Variants in PTPRD observed in about 807,000 individuals in gnomAD.
The protein encoded by PTPRD is receptor-type tyrosine-protein phosphatase delta.
PTPRD carries 34 observed loss-of-function variants against 214.5 expected under a neutral mutation model. The ratio of observed to expected loss-of-function variants is 0.16; its 90% CI spans 0.12 to 0.21. PTPRD has a LOEUF of 0.21. Ranked by LOEUF, PTPRD falls within the 10% of genes least tolerant of loss-of-function variation. The pLI is 1.00. For missense variants in PTPRD, 2,545 were observed against 2,398.7 expected (o/e 1.06, Z -1.27); for synonymous variants, 1,128 against 845.7 (o/e 1.33, Z -5.79).
chr9:9,943,343 A>T (rs527446468), intron 4 of PTPRD, among the ~76,000 whole-genome samples: 1 of 152,282 alleles, frequency 6.6e-6, no homozygotes, highest in Admixed American at 6.5e-5. Context: ...TCAGATTAAA[A>T]GGGCTATCAT....
At chr9:8,965,116 G>A (rs2099185459) in intron 11 of PTPRD, among the ~76,000 whole-genome samples, 1 of 152,078 alleles carries the variant, frequency 6.6e-6, no homozygotes, top group Admixed American at 6.6e-5. Context: ...AGTGGTTCAT[G>A]TCTGTAATCC....
intron 11 of PTPRD, among the ~76,000 whole-genome samples, chr9:8,955,159 G>C (rs1398408873): frequency 6.6e-6 from 1 of 151,836 alleles, no homozygotes; most frequent in Non-Finnish European, 1.5e-5. Context: ...AAAATATGAA[G>C]AGCTAATATT....
At chr9:8,327,558 GGTCCAGAGCTGTGTTCAA>G (rs1835180953) in intron 44 of PTPRD, among the ~76,000 whole-genome samples, 1 of 152,002 alleles carries the variant, frequency 6.6e-6, no homozygotes, top group Admixed American at 6.5e-5. Context: ...AGGTCTGCTT[GGTCCAGAGCTGTGTTCAA>G]GTCCTGAATG....
chr9:8,931,033 G>A, intron 11 of PTPRD, among the ~76,000 whole-genome samples: 1 of 152,120 alleles, frequency 6.6e-6, no homozygotes, highest in Non-Finnish European at 1.5e-5. Flanking sequence ...TGAAGTCCTT[G>A]CCCATGCCTA....
chr9:9,870,306 T>C (rs889183263), intron 5 of PTPRD, among the ~76,000 whole-genome samples: 1 of 152,010 alleles, frequency 6.6e-6, no homozygotes, highest in Non-Finnish European at 1.5e-5. Flanking sequence ...AATATATCAT[T>C]CTTCTTCAAA....
intron 4 of PTPRD, among the ~76,000 whole-genome samples, chr9:9,964,416 C>A (rs977394810): frequency 2.0e-5 from 3 of 152,128 alleles, no homozygotes. Flanking sequence ...AGAATGTTTT[C>A]TTTCCGTATA....
At chr9:10,050,989 G>A (rs1399564024) in intron 3 of PTPRD, among the ~76,000 whole-genome samples, 1 of 152,026 alleles carries the variant, frequency 6.6e-6, no homozygotes, top group African/African-American at 2.4e-5. Flanking sequence ...CCTAAATAGT[G>A]TAAAATATAT....
intron 15 of PTPRD, chr9:8,528,150 C>A (rs915794044): frequency 9.5e-5 from 32 of 337,658 alleles, no homozygotes; most frequent in Non-Finnish European, 7.9e-5. Context: ...AAAATTGAAA[C>A]ATTTTAGGGT....
chr9:10,002,629 A>C (rs963042819), intron 4 of PTPRD, among the ~76,000 whole-genome samples: 1 of 151,382 alleles, frequency 6.6e-6, no homozygotes, highest in Non-Finnish European at 1.5e-5. Flanking sequence ...TCACTCTTTA[A>C]GGAAGACATA....
chr9:9,091,408 T>A (rs1170494760), intron 10 of PTPRD, among the ~76,000 whole-genome samples: 1 of 152,238 alleles, frequency 6.6e-6, no homozygotes, highest in East Asian at 1.9e-4. Context: ...CTTACTAAAG[T>A]TTTATTCCTT....
chr9:8,497,178 A>G, intron 26 of PTPRD, 64 bp downstream of exon 26: 3 of 1,366,156 alleles, frequency 2.2e-6, no homozygotes, highest in Non-Finnish European at 3.0e-6. Flanking sequence ...AAATAAGTGA[A>G]AGGATGTCAG....
chr9:8,892,231 C>T (rs1301091309), intron 11 of PTPRD, among the ~76,000 whole-genome samples: 1 of 152,124 alleles, frequency 6.6e-6, no homozygotes, highest in Non-Finnish European at 1.5e-5. Context: ...CAGTGTAGAA[C>T]TCCTTGGATT....
intron 9 of PTPRD, among the ~76,000 whole-genome samples, chr9:9,322,114 C>T (rs1966842908): frequency 6.6e-6 from 1 of 152,112 alleles, no homozygotes; most frequent in Non-Finnish European, 1.5e-5. Context: ...ACAGGCAAAA[C>T]CATGACCTGG....
At chr9:10,061,209 A>T (rs2097773039) in intron 3 of PTPRD, among the ~76,000 whole-genome samples, 2 of 151,996 alleles carry the variant, frequency 1.3e-5, no homozygotes, top group African/African-American at 4.8e-5. Flanking sequence ...GAAAATGCAT[A>T]ACAAGTTCAA....
chr9:8,596,245 ATATGGATTT>A (rs993719885), intron 14 of PTPRD, among the ~76,000 whole-genome samples: 2 of 151,818 alleles, frequency 1.3e-5, no homozygotes, highest in African/African-American at 2.4e-5. Flanking sequence ...CACATAAAAT[ATATGGATTT>A]TATGGATTAT....
intron 5 of PTPRD, among the ~76,000 whole-genome samples, chr9:9,791,057 A>T (rs1213395553): frequency 1.3e-5 from 2 of 152,176 alleles, no homozygotes; most frequent in Non-Finnish European, 2.9e-5. Flanking sequence ...GAATGCATTA[A>T]AGGATTTTCC....
chr9:9,031,939 G>T (rs1255384613), intron 10 of PTPRD, among the ~76,000 whole-genome samples: 2 of 151,924 alleles, frequency 1.3e-5, no homozygotes. Flanking sequence ...CTTATCTACA[G>T]ATTTTGATTC....
intron 21 of PTPRD, among the ~76,000 whole-genome samples, chr9:8,515,578 T>C (rs1344844566): frequency 6.6e-6 from 1 of 152,106 alleles, no homozygotes; most frequent in Non-Finnish European, 1.5e-5. Context: ...GACTGTGTAC[T>C]AGTGAAAAGG....
intron 14 of PTPRD, among the ~76,000 whole-genome samples, chr9:8,565,495 G>A (rs2088631459): frequency 6.6e-6 from 1 of 152,086 alleles, no homozygotes; most frequent in Non-Finnish European, 1.5e-5. Context: ...TAGTGTTTCA[G>A]GAAACATTTG....
Sources: allele counts gnomAD v4.1 joint callset (sites outside exome capture counted in the v4.1 genomes callset), GRCh38; gene constraint gnomAD v4.1.1; transcripts MANE v1.5; gene names NCBI Gene and HGNC (gene_info 2026-07-23, HGNC 2026-07-21).